Variants in DRC8 observed in about 807,000 individuals in gnomAD.
The protein encoded by DRC8 is dynein regulatory complex subunit 8.
the DRC8 span, among the ~76,000 whole-genome samples, chr1:244,982,337 A>T: frequency 6.6e-6 from 1 of 152,172 alleles, no homozygotes; most frequent in Non-Finnish European, 1.5e-5. Context: ...GTGTTTTGTA[A>T]TTATCAAGGA....
chr1:245,013,938 A>C, the DRC8 span, among the ~76,000 whole-genome samples: 56 of 145,036 alleles, frequency 3.9e-4, no homozygotes, highest in South Asian at 2.7e-3. Flanking sequence ...AGACTGAGGC[A>C]GGAAAATCTC....
At chr1:244,992,858 A>C in the DRC8 span, among the ~76,000 whole-genome samples, 15 of 152,200 alleles carry the variant, frequency 9.9e-5, no homozygotes, top group African/African-American at 3.6e-4. Flanking sequence ...ACCCACAAAT[A>C]TTTATTATCT....
chr1:245,038,431 C>G, the DRC8 span, among the ~76,000 whole-genome samples: 1 of 152,134 alleles, frequency 6.6e-6, no homozygotes, highest in East Asian at 1.9e-4. Context: ...GACCGTGCCA[C>G]TGCACTCCAG....
chr1:245,075,103 A>G, the DRC8 span, among the ~76,000 whole-genome samples: 1 of 152,154 alleles, frequency 6.6e-6, no homozygotes, highest in East Asian at 1.9e-4. Flanking sequence ...GGGAGAAAGG[A>G]ATTTTCACGG....
the DRC8 span, among the ~76,000 whole-genome samples, chr1:245,104,656 A>G: frequency 5.9e-5 from 9 of 152,178 alleles, no homozygotes; most frequent in Non-Finnish European, 8.8e-5. Flanking sequence ...CGTTATTTCA[A>G]AACAAATTCT....
At chr1:245,102,120 A>T in the DRC8 span, among the ~76,000 whole-genome samples, 3 of 152,164 alleles carry the variant, frequency 2.0e-5, no homozygotes, top group African/African-American at 7.2e-5. Flanking sequence ...CACACAACTC[A>T]CTGGTTAAAT....
the DRC8 span, among the ~76,000 whole-genome samples, chr1:245,114,774 G>A: frequency 6.6e-6 from 1 of 152,218 alleles, no homozygotes; most frequent in African/African-American, 2.4e-5. Flanking sequence ...TGTTGCCCAA[G>A]CTGGAGGGCA....
the DRC8 span, among the ~76,000 whole-genome samples, chr1:244,976,903 G>A: frequency 4.6e-5 from 7 of 152,182 alleles, no homozygotes; most frequent in African/African-American, 1.2e-4. Flanking sequence ...GTCCATCAGC[G>A]GATGAATGAA....
At chr1:244,972,074 T>G in the DRC8 span, among the ~76,000 whole-genome samples, 1 of 152,102 alleles carries the variant, frequency 6.6e-6, no homozygotes, top group Non-Finnish European at 1.5e-5. Context: ...TGGAGTATGG[T>G]ACAAATACAG....
chr1:245,001,184 G>A, the DRC8 span, among the ~76,000 whole-genome samples: 125,435 of 152,194 alleles, frequency 0.82, 51,824 homozygotes, highest in East Asian at 1. Context: ...AATACTTACA[G>A]TATTCTTTGA....
the DRC8 span, among the ~76,000 whole-genome samples, chr1:244,991,447 C>T: frequency 1.5e-3 from 228 of 152,230 alleles, 1 homozygote; most frequent in African/African-American, 5.4e-3. Flanking sequence ...CAATCCCCAG[C>T]CTCTTCCCTC....
chr1:245,084,473 A>T, the DRC8 span, among the ~76,000 whole-genome samples: 1 of 152,194 alleles, frequency 6.6e-6, no homozygotes, highest in African/African-American at 2.4e-5. Context: ...TGAACCATAT[A>T]TATTTGTTTT....
At chr1:245,084,301 C>T in the DRC8 span, among the ~76,000 whole-genome samples, 2 of 151,956 alleles carry the variant, frequency 1.3e-5, no homozygotes, top group Non-Finnish European at 2.9e-5. Flanking sequence ...AGGCTGGTCT[C>T]GAACTTCTGA....
chr1:245,074,811 A>G, the DRC8 span, among the ~76,000 whole-genome samples: 2 of 152,224 alleles, frequency 1.3e-5, no homozygotes, highest in African/African-American at 2.4e-5. Flanking sequence ...TGTTCTATTC[A>G]AGGTAGAGAA....
At chr1:245,052,238 C>T in the DRC8 span, among the ~76,000 whole-genome samples, 5 of 152,256 alleles carry the variant, frequency 3.3e-5, no homozygotes, top group Admixed American at 6.5e-5. Flanking sequence ...TCATAGGCCA[C>T]GCTTTTTTAT....
the DRC8 span, among the ~76,000 whole-genome samples, chr1:245,084,212 G>C: frequency 6.6e-6 from 1 of 151,862 alleles, no homozygotes; most frequent in South Asian, 2.1e-4. Context: ...CTCCCGAGTA[G>C]CTGGGATTAC....
At chr1:245,045,433 T>C in the DRC8 span, among the ~76,000 whole-genome samples, 2 of 152,180 alleles carry the variant, frequency 1.3e-5, no homozygotes, top group East Asian at 3.8e-4. Flanking sequence ...CAGGGATTCA[T>C]TGAAAATGAA....
chr1:245,037,768 A>G, the DRC8 span, among the ~76,000 whole-genome samples: 11 of 152,180 alleles, frequency 7.2e-5, no homozygotes, highest in Non-Finnish European at 1.5e-4. Flanking sequence ...AAAACTACAA[A>G]GAAAAATAAT....
chr1:244,990,980 C>T, the DRC8 span, among the ~76,000 whole-genome samples: 6 of 152,052 alleles, frequency 3.9e-5, no homozygotes, highest in South Asian at 6.2e-4. Context: ...TACCAACTAC[C>T]CAGAGTTACT....
Sources: gnomAD v4.1 joint callset for allele counts (sites outside exome capture counted in the v4.1 genomes callset) on GRCh38, gnomAD v4.1.1 for gene constraint, MANE v1.5 for transcripts, NCBI Gene and HGNC (gene_info 2026-07-23, HGNC 2026-07-21) for gene names.